The following SLC16A2 variants were observed in gnomAD, a reference collection of about 807,000 sequenced individuals.
SLC16A2 encodes solute carrier family 16 member 2, also known as monocarboxylate transporter 8.
Under a neutral mutation model 27.2 loss-of-function variants are expected in SLC16A2, and 3 were observed. That is an observed-to-expected ratio of 0.11 (90% CI 0.05 to 0.28). The LOEUF (loss-of-function observed/expected upper bound fraction) is 0.28. SLC16A2 is among the 10% of genes least tolerant of loss of function. The pLI is 1.00. For synonymous variants in SLC16A2, 202 were observed against 187.8 expected (o/e 1.08, Z -0.62); for missense variants, 295 against 458.5 (o/e 0.64, Z 3.26).
intron 1 of SLC16A2, among the ~76,000 whole-genome samples, chrX:74,513,675 G>A (rs921972026): frequency 1.8e-5 from 2 of 110,971 alleles, no homozygotes; most frequent in African/African-American, 6.5e-5. Context: ...CTTATATAAC[G>A]CTATTCTTCT....
intron 1 of SLC16A2, among the ~76,000 whole-genome samples, chrX:74,511,417 G>A (rs1236668183): frequency 8.9e-6 from 1 of 111,899 alleles, no homozygotes; most frequent in Non-Finnish European, 1.9e-5. Context: ...TCCTGACTTC[G>A]TGATCCTCAC....
chrX:74,479,536 T>G (rs1272167541), intron 1 of SLC16A2, among the ~76,000 whole-genome samples: 1 of 112,574 alleles, frequency 8.9e-6, no homozygotes, highest in Non-Finnish European at 1.9e-5. Context: ...AGGAGGTGCA[T>G]TCCTTCGGAG....
intron 1 of SLC16A2, among the ~76,000 whole-genome samples, chrX:74,456,682 C>T (rs1054567612): frequency 8.9e-6 from 1 of 112,183 alleles, no homozygotes. Context: ...GCATGCCTTT[C>T]AATCTTGGAT....
chrX:74,431,073 C>T (rs1282099666), intron 1 of SLC16A2, among the ~76,000 whole-genome samples: 1 of 112,777 alleles, frequency 8.9e-6, no homozygotes, highest in Non-Finnish European at 1.9e-5. Context: ...GAATTTAAAA[C>T]AGAACTACCG....
At chrX:74,450,769 T>G (rs1326091552) in intron 1 of SLC16A2, among the ~76,000 whole-genome samples, 2 of 112,077 alleles carry the variant, frequency 1.8e-5, no homozygotes, top group African/African-American at 6.5e-5. Flanking sequence ...TGATGTCCCA[T>G]GAGAAGTATG....
chrX:74,491,759 T>C (rs187719067), intron 1 of SLC16A2, among the ~76,000 whole-genome samples: 1 of 112,808 alleles, frequency 8.9e-6, no homozygotes, highest in Non-Finnish European at 1.9e-5. Context: ...TATTAGAGTT[T>C]CTTGAATAAA....
At chrX:74,519,155 C>T (rs1930362425) in intron 1 of SLC16A2, among the ~76,000 whole-genome samples, 1 of 109,633 alleles carries the variant, frequency 9.1e-6, no homozygotes. Context: ...ACAAAGTTCT[C>T]TTCTTATACA....
intron 5 of SLC16A2, among the ~76,000 whole-genome samples, chrX:74,530,257 C>T (rs1178811836): frequency 9.2e-6 from 1 of 109,079 alleles, no homozygotes; most frequent in African/African-American, 3.4e-5. Context: ...CGTGCCACCA[C>T]ACCCAGCTAA....
intron 1 of SLC16A2, among the ~76,000 whole-genome samples, chrX:74,511,410 T>G (rs1280952124): frequency 8.9e-6 from 1 of 111,895 alleles, no homozygotes; most frequent in Non-Finnish European, 1.9e-5. Flanking sequence ...CTCTATCTCC[T>G]GACTTCGTGA....
chrX:74,491,332 C>T (rs1343629902), intron 1 of SLC16A2, among the ~76,000 whole-genome samples: 1 of 111,627 alleles, frequency 9.0e-6, no homozygotes, highest in Non-Finnish European at 1.9e-5. Context: ...GCTGGGGCTT[C>T]CAGGCCATAG....
chrX:74,506,408 T>C (rs1005374265), intron 1 of SLC16A2, among the ~76,000 whole-genome samples: 1 of 111,461 alleles, frequency 9.0e-6, no homozygotes, highest in Non-Finnish European at 1.9e-5. Context: ...CCTAGTGATA[T>C]GGGGCAGGGA....
chrX:74,530,073 A>C (rs376924349), intron 5 of SLC16A2, among the ~76,000 whole-genome samples: 2 of 99,469 alleles, frequency 2.0e-5, no homozygotes, highest in East Asian at 5.9e-4. Flanking sequence ...AGAGAACTCC[A>C]ATTTCTTTTC....
intron 1 of SLC16A2, among the ~76,000 whole-genome samples, chrX:74,470,895 G>A (rs769838876): frequency 1.6e-4 from 18 of 110,595 alleles, no homozygotes; most frequent in African/African-American, 2.3e-4. Context: ...CCAAGATGGC[G>A]CCACTGCACT....
chrX:74,455,678 G>GA (rs1319718788), intron 1 of SLC16A2, among the ~76,000 whole-genome samples: 1 of 110,835 alleles, frequency 9.0e-6, no homozygotes, highest in Admixed American at 9.7e-5. Context: ...GGCCAGAGGA[G>GA]AAAAAAATCT....
intron 1 of SLC16A2, among the ~76,000 whole-genome samples, chrX:74,487,919 T>C (rs1294915221): frequency 8.9e-6 from 1 of 112,321 alleles, no homozygotes; most frequent in African/African-American, 3.2e-5. Flanking sequence ...CCTTGTGTTT[T>C]ATAAACTTCA....
rs774799978 is a variant in SLC16A2, at chrX:74,520,128, A to AG, written c.431-861dup. On this transcript the variant is annotated intron_variant, in intron 1 of 5. Coordinates refer to ENST00000587091, the MANE Select transcript of SLC16A2 (RefSeq NM_006517.5). ...AGAGCCAGAAGTTGGCCCAGTGCCT[A>AG]GCTCATGTGTCACTCTTTGATGATG... 7.1e-5 allele frequency among the ~76,000 whole-genome samples: 8 copies of AG among 112,379 alleles called. No individual in the cohort carries two copies. The South Asian group carries it at 3.0e-3, about 41-fold the overall frequency.
chrX:74,499,557 A>C (rs1602133294), intron 1 of SLC16A2, among the ~76,000 whole-genome samples: 1 of 107,633 alleles, frequency 9.3e-6, no homozygotes, highest in Admixed American at 1.0e-4. Context: ...AGGTTAAAGC[A>C]ATTATTGTGC....
At chrX:74,442,682 C>A (rs1179550011) in intron 1 of SLC16A2, among the ~76,000 whole-genome samples, 1 of 112,234 alleles carries the variant, frequency 8.9e-6, no homozygotes, top group Admixed American at 9.4e-5. Context: ...GAGGTCCAGG[C>A]GCAGTGGCTC....
chrX:74,495,676 C>T (rs1428628121), intron 1 of SLC16A2, among the ~76,000 whole-genome samples: 1 of 109,065 alleles, frequency 9.2e-6, no homozygotes, highest in African/African-American at 3.3e-5. Context: ...CATTAGCTTC[C>T]AGGTTTCTAT....
Sources: allele counts gnomAD v4.1 joint callset (sites outside exome capture counted in the v4.1 genomes callset), GRCh38; gene constraint gnomAD v4.1.1; transcripts MANE v1.5; gene names NCBI Gene and HGNC (gene_info 2026-07-23, HGNC 2026-07-21).